NMT1: variants seen among roughly 807,000 people sequenced by gnomAD.
NMT1 encodes N-myristoyltransferase 1.
Under a neutral mutation model 63.4 loss-of-function variants are expected in NMT1, and 12 were observed. The ratio of observed to expected loss-of-function variants is 0.19; its 90% CI spans 0.12 to 0.31. The LOEUF (loss-of-function observed/expected upper bound fraction) is 0.31. NMT1 is among the 10% of genes least tolerant of loss of function. The pLI is 1.00. For synonymous variants in NMT1, 228 were observed against 234.3 expected, an observed-to-expected ratio of 0.97 and a Z score of 0.25; for missense variants, 432 against 634.6, an observed-to-expected ratio of 0.68 and a Z score of 3.43.
At chr17:45,070,850 C>T (rs1233832667) in intron 1 of NMT1, among the ~76,000 whole-genome samples, 1 of 152,032 alleles carries the variant, frequency 6.6e-6, no homozygotes, top group Non-Finnish European at 1.5e-5. Context: ...CTGTGCCCAG[C>T]CCCAGGGTAC....
intron 7 of NMT1, 169 bp downstream of exon 7, chr17:45,098,721 G>A (rs1346546315): frequency 6.4e-6 from 4 of 620,162 alleles, no homozygotes; most frequent in South Asian, 3.9e-5. Flanking sequence ...TGGAGAGGGC[G>A]GGAGGGTTGT....
chr17:45,083,550 A>C (rs993407094), intron 2 of NMT1: 1 of 152,212 alleles, frequency 6.6e-6, no homozygotes, highest in Non-Finnish European at 1.5e-5. Flanking sequence ...ATTTAATACC[A>C]TGTTGCACTT....
chr17:45,093,525 G>A (rs944722083), intron 3 of NMT1, 160 bp from the exon 4 acceptor site: 12 of 600,224 alleles, frequency 2.0e-5, no homozygotes, highest in African/African-American at 1.5e-4. Flanking sequence ...AGGGGCTAAG[G>A]GTAGCTGGAA....
At chr17:45,088,082 A>G (rs1288916084) in intron 3 of NMT1, among the ~76,000 whole-genome samples, 1 of 152,240 alleles carries the variant, frequency 6.6e-6, no homozygotes, top group Non-Finnish European at 1.5e-5. Flanking sequence ...CAAGCTGAGG[A>G]GGTGCATCCC....
At chr17:45,097,325 A>C in intron 6 of NMT1, 81 bp downstream of exon 6, 3 of 1,056,336 alleles carry the variant, frequency 2.8e-6, no homozygotes, top group South Asian at 1.3e-5. Context: ...AGGCTGCACA[A>C]TGTGCCCCAT....
intron 1 of NMT1, among the ~76,000 whole-genome samples, chr17:45,066,669 G>A (rs557158319): frequency 6.8e-4 from 103 of 151,962 alleles, no homozygotes; most frequent in Non-Finnish European, 1.2e-3. Flanking sequence ...GTATGGGTGC[G>A]TCTCTTCAGT....
intron 1 of NMT1, among the ~76,000 whole-genome samples, chr17:45,080,812 G>A (rs1329125126): frequency 6.6e-6 from 1 of 150,766 alleles, no homozygotes; most frequent in South Asian, 2.1e-4. Context: ...TGTCATACAG[G>A]CTGGAGTGCA....
Position 45,086,708 on chromosome 17 carries a change from G to A in NMT1, c.385+56G>A, listed in dbSNP as rs916116647. On this transcript the variant is annotated intron_variant, in intron 3 of 11. Transcript: ENST00000258960. The stretch of plus-strand genomic sequence containing the variant: ...CAGGGGCGAGGGATCTGCCTCAGCT[G>A]TGCCTTCATGAGGGTTTCATGCTGA... The A allele has an allele frequency of 8.5e-6, 13 of 1,531,424 alleles. No individual in the cohort carries two copies. In the Admixed American group the frequency reaches 2.0e-4, roughly 24 times the overall value. The allele number at this position is 1,531,424 out of a possible 1,614,324, so 94.9% of individuals were successfully genotyped here.
At chr17:45,095,602 C>A (rs922947959) in intron 4 of NMT1, among the ~76,000 whole-genome samples, 12 of 152,094 alleles carry the variant, frequency 7.9e-5, no homozygotes, top group Non-Finnish European at 1.5e-5. Flanking sequence ...GCCCCCGCTA[C>A]AAAAGAAAAA....
chr17:45,098,554 TA>T lies in NMT1; in HGVS notation c.884+6del, dbSNP rs2054141021. 2 of 1,613,338 alleles carry T rather than the reference TA, an allele frequency of 1.2e-6. No individual in the cohort carries two copies. Among genetic ancestry groups the T allele is most frequent in the Non-Finnish European group, 1.7e-6 (2 of 1,179,668 alleles). On this transcript the variant is annotated splice_donor_region_variant and intron_variant, in intron 7 of 11. Coordinates refer to ENST00000258960, the MANE Select transcript of NMT1 (RefSeq NM_021079.5). Reference sequence around the variant, plus strand: ...ACCAAAGCCCGTTGGCACCTGCAGGTAAAACTGTCTTCCTGTAAGGCCCCAA... The same window carrying T: ...ACCAAAGCCCGTTGGCACCTGCAGGTAAACTGTCTTCCTGTAAGGCCCCAA...
At chr17:45,064,550 C>T (rs965111449) in intron 1 of NMT1, among the ~76,000 whole-genome samples, 12 of 152,272 alleles carry the variant, frequency 7.9e-5, no homozygotes, top group Admixed American at 6.5e-4. Context: ...AGGCCAGGCG[C>T]GGTGGCGCAC....
In NMT1 at chr17:45,093,792, G is replaced by A. The variant is rs149737135; in HGVS notation, c.493G>A (p.Asp165Asn). The change falls in exon 4 of 12, where the codon GAT (aspartate) becomes AAT (asparagine). Residue 165 changes from aspartate to asparagine, a missense_variant. Physicochemically the swap from Asp to Asn is conservative, Grantham distance 23. Coordinates refer to ENST00000258960, the MANE Select transcript of NMT1 (RefSeq NM_021079.5). ...CACCTGGGATGCTTTGGACCTGGGC[G>A]ATCGTGGTGTGGTGAGTGGGCCCTC... ...GFTWDALDLG[D>N]RGVLKELYTL... 303 of 1,614,004 alleles carry A rather than the reference G, an allele frequency of 1.9e-4. No homozygotes were observed. The African/African-American group carries it at 3.0e-3, about 16-fold the overall frequency.
In NMT1 at chr17:45,107,844, C is replaced by G. The variant is rs2143531799; in HGVS notation, c.*2205C>G. The G allele has an allele frequency of 6.6e-6, 1 of 152,494 alleles. No homozygotes were observed. The highest frequency in any genetic ancestry group is 2.1e-4 in the South Asian group (1 of 4,826). The allele number at this position is 152,494 out of a possible 1,614,324, so 9.4% of individuals were successfully genotyped here. A position where few individuals can be genotyped will look rare whatever the true frequency, so the allele number is the denominator to read the frequency against. On this transcript the variant is annotated 3_prime_UTR_variant, in exon 12 of 12. Coordinates refer to ENST00000258960, the MANE Select transcript of NMT1 (RefSeq NM_021079.5). Reference sequence around the variant, plus strand: ...GAAGAAACAGATCTCCTGGCAAAGGCCCCAGCATCTCCCTCACTGAAACCA... The same window carrying G: ...GAAGAAACAGATCTCCTGGCAAAGGGCCCAGCATCTCCCTCACTGAAACCA...
chr17:45,068,310 A>G (rs2143452755), intron 1 of NMT1, among the ~76,000 whole-genome samples: 1 of 152,246 alleles, frequency 6.6e-6, no homozygotes, highest in South Asian at 2.1e-4. Flanking sequence ...CATCTCTACT[A>G]AAAATACAAA....
Position 45,066,242 on chromosome 17 carries a change from C to T in NMT1, c.131+4782C>T, listed in dbSNP as rs143838127. ...CTAATTTTTCATATTTTAGTAGAGA[C>T]GGGGTTTCACCGTTGTTGCCCAGGC... is the stretch of plus-strand genomic sequence containing the variant. On this transcript the variant is annotated intron_variant, in intron 1 of 11. Coordinates refer to ENST00000258960, the MANE Select transcript of NMT1 (RefSeq NM_021079.5). Among the ~76,000 whole-genome samples, 399 of 152,008 alleles carry T rather than the reference C, an allele frequency of 2.6e-3. 2 individuals are homozygous for T. Among genetic ancestry groups the T allele is most frequent in the African/African-American group, 9.4e-3 (389 of 41,482 alleles).
At chr17:45,102,417 G>C (rs2054172697) in intron 8 of NMT1, among the ~76,000 whole-genome samples, 1 of 152,204 alleles carries the variant, frequency 6.6e-6, no homozygotes, top group Admixed American at 6.5e-5. Flanking sequence ...TCTTCTGAAT[G>C]TAACCCACAG....
chr17:45,089,991 G>A (rs193026551), intron 3 of NMT1, among the ~76,000 whole-genome samples: 1 of 151,978 alleles, frequency 6.6e-6, no homozygotes, highest in Non-Finnish European at 1.5e-5. Flanking sequence ...CCATGGAAAG[G>A]CCTTCTTAGG....
chr17:45,085,643 A>C (rs2067331942), intron 2 of NMT1, among the ~76,000 whole-genome samples: 1 of 152,108 alleles, frequency 6.6e-6, no homozygotes, highest in Admixed American at 6.6e-5. Context: ...TGAAATTTAC[A>C]TTGAGCATGT....
rs746537411 is a variant in NMT1 at position 45,098,432 on chromosome 17, G to A, written c.764G>A (p.Arg255His). Residue 255 changes from arginine to histidine, a missense_variant, in exon 7 of 12, where the codon CGT (arginine) becomes CAT (histidine). Transcript: ENST00000258960. Reference sequence around the variant, plus strand: ...TTCCTGTGTGTCCACAAGAAGCTGCGTTCCAAGAGGGTTGCTCCAGTTCTG... The same window carrying A: ...TTCCTGTGTGTCCACAAGAAGCTGCATTCCAAGAGGGTTGCTCCAGTTCTG... The part of the protein sequence containing the change: ...INFLCVHKKL[R>H]SKRVAPVLIR... 2 of 1,614,146 alleles carry A rather than the reference G, an allele frequency of 1.2e-6. No individual in the cohort carries two copies. The highest frequency in any genetic ancestry group is 1.7e-6 in the Non-Finnish European group (2 of 1,180,008).
Sources: gnomAD v4.1 joint callset for allele counts (sites outside exome capture counted in the v4.1 genomes callset) on GRCh38, gnomAD v4.1.1 for gene constraint, MANE v1.5 for transcripts, NCBI Gene and HGNC (gene_info 2026-07-23, HGNC 2026-07-21) for gene names.